ADGRL3: variants seen among roughly 807,000 people sequenced by gnomAD.
ADGRL3 encodes adhesion G protein-coupled receptor L3, also known as calcium-independent alpha-latrotoxin receptor 3.
ADGRL3 carries 62 observed loss-of-function variants against 153.5 expected under a neutral mutation model. The observed-to-expected ratio is 0.40, with a 90% CI of 0.33 to 0.50. The LOEUF (loss-of-function observed/expected upper bound fraction) is 0.50, where lower values mean the gene tolerates loss of function less well. Among genes scored for constraint, ADGRL3 ranks in the 20% least tolerant of loss-of-function variants. The pLI is 0.47. For synonymous variants in ADGRL3, 710 were observed against 672.5 expected (o/e 1.06, Z -0.86); for missense variants, 1,641 against 1,859.4 (o/e 0.88, Z 2.16).
At chr4:61,364,346 AT>A (rs11302705) in intron 1 of ADGRL3, among the ~76,000 whole-genome samples, 30,223 of 139,076 alleles carry the variant, frequency 0.22, 3,095 homozygotes, top group Non-Finnish European at 0.24. Context: ...AAAAAAAAAA[AT>A]AATAATAATA....
intron 9 of ADGRL3, among the ~76,000 whole-genome samples, chr4:61,844,839 C>G (rs1256872305): frequency 6.6e-6 from 1 of 151,860 alleles, no homozygotes; most frequent in Admixed American, 6.6e-5. Context: ...CCAGCTCCCT[C>G]ACTCCCTTCT....
At chr4:61,602,086 C>T (rs564501972) in intron 5 of ADGRL3, among the ~76,000 whole-genome samples, 12 of 103,720 alleles carry the variant, frequency 1.2e-4, no homozygotes, top group Non-Finnish European at 1.2e-4. Flanking sequence ...AATAAATAAA[C>T]GCTTGATCCA....
intron 1 of ADGRL3, among the ~76,000 whole-genome samples, chr4:61,218,991 A>G (rs1008262889): frequency 6.6e-6 from 1 of 152,236 alleles, no homozygotes; most frequent in Non-Finnish European, 1.5e-5. Flanking sequence ...CTATGTAGAC[A>G]TAATTGGAGG....
At chr4:61,216,316 G>T (rs1477937312) in intron 1 of ADGRL3, among the ~76,000 whole-genome samples, 1 of 151,796 alleles carries the variant, frequency 6.6e-6, no homozygotes, top group African/African-American at 2.4e-5. Context: ...ATAGTAATAC[G>T]TTTTGTTCCT....
intron 2 of ADGRL3, chr4:61,428,253 A>T (rs565093706): frequency 1.3e-5 from 2 of 152,610 alleles, no homozygotes; most frequent in Admixed American, 1.3e-4. Context: ...ACATTTATGC[A>T]CTTCATAGAC....
chr4:61,257,633 T>C (rs759345118), intron 1 of ADGRL3, among the ~76,000 whole-genome samples: 23 of 152,250 alleles, frequency 1.5e-4, no homozygotes, highest in Middle Eastern at 3.4e-3. Flanking sequence ...AAGATAAATA[T>C]TAAAATTCAA....
intron 5 of ADGRL3, among the ~76,000 whole-genome samples, chr4:61,641,446 C>T (rs1458861548): frequency 1.7e-5 from 2 of 119,934 alleles, no homozygotes; most frequent in African/African-American, 6.1e-5. Context: ...CTCCCCCCAC[C>T]CCACAACAGT....
chr4:61,770,034 C>T (rs74674544), intron 8 of ADGRL3, among the ~76,000 whole-genome samples: 7,799 of 152,134 alleles, frequency 0.051, 489 homozygotes, highest in African/African-American at 0.15. Context: ...CACAAGTAAA[C>T]CTAAATATAC....
chr4:61,232,837 T>A (rs537266402), intron 1 of ADGRL3, among the ~76,000 whole-genome samples: 2 of 152,250 alleles, frequency 1.3e-5, no homozygotes, highest in East Asian at 3.9e-4. Flanking sequence ...CCCTCAGCTT[T>A]ATGAGGATAT....
At chr4:61,902,350 C>T (rs947656820) in intron 11 of ADGRL3, among the ~76,000 whole-genome samples, 2 of 152,106 alleles carry the variant, frequency 1.3e-5, no homozygotes, top group Non-Finnish European at 2.9e-5. Context: ...TCCTCTCAGG[C>T]CAGGCCACTG....
intron 6 of ADGRL3, among the ~76,000 whole-genome samples, chr4:61,707,268 G>T (rs2095872447): frequency 6.6e-6 from 1 of 152,150 alleles, no homozygotes; most frequent in Admixed American, 6.6e-5. Context: ...AATATTGCAA[G>T]AATTACCAAA....
rs374398711 is a variant in ADGRL3, at chr4:61,630,203, T to A, written c.473+42763T>A. On this transcript the variant is annotated intron_variant, in intron 5 of 26. Coordinates refer to ENST00000683033, the MANE Select transcript of ADGRL3 (RefSeq NM_001387552.1). ...TTGACCATTAAATTCTCATAGGGTTTATACACATGTAATATTTCAGGCATA... is the reference window on the plus strand; with the variant it reads ...TTGACCATTAAATTCTCATAGGGTTAATACACATGTAATATTTCAGGCATA... Among the ~76,000 whole-genome samples, 5 of 152,338 alleles carry A rather than the reference T, an allele frequency of 3.3e-5. No individual in the cohort carries two copies. The East Asian group carries it at 9.6e-4, about 29-fold the overall frequency.
chr4:61,491,807 C>T (rs1023518889), intron 2 of ADGRL3, among the ~76,000 whole-genome samples: 4 of 152,044 alleles, frequency 2.6e-5, no homozygotes, highest in African/African-American at 9.7e-5. Context: ...TTTTATGCCA[C>T]GTTACTATAA....
intron 2 of ADGRL3, among the ~76,000 whole-genome samples, chr4:61,443,717 A>T (rs915554715): frequency 6.6e-6 from 1 of 152,160 alleles, no homozygotes; most frequent in Admixed American, 6.5e-5. Flanking sequence ...TCACTGAAAA[A>T]TCACTCATCA....
chr4:61,461,888 A>AT (rs1039999586), intron 2 of ADGRL3, among the ~76,000 whole-genome samples: 3 of 152,000 alleles, frequency 2.0e-5, no homozygotes, highest in South Asian at 2.1e-4. Flanking sequence ...ATGCATTCTT[A>AT]TTTTTTTTAA....
At chr4:61,365,701 C>G (rs944145941) in intron 1 of ADGRL3, among the ~76,000 whole-genome samples, 1 of 152,172 alleles carries the variant, frequency 6.6e-6, no homozygotes, top group Non-Finnish European at 1.5e-5. Context: ...TATTTTCCTG[C>G]CTAAAGCATA....
chr4:61,793,958 T>C (rs999224325), intron 8 of ADGRL3, among the ~76,000 whole-genome samples: 15 of 152,042 alleles, frequency 9.9e-5, no homozygotes, highest in Non-Finnish European at 1.6e-4. Flanking sequence ...AGATTTAAAG[T>C]ACATTAGAAA....
At chr4:61,317,109 A>G (rs972887505) in intron 1 of ADGRL3, among the ~76,000 whole-genome samples, 1 of 152,194 alleles carries the variant, frequency 6.6e-6, no homozygotes, top group Non-Finnish European at 1.5e-5. Context: ...ACTTATGGAA[A>G]TAAAAGCACT....
intron 9 of ADGRL3, among the ~76,000 whole-genome samples, chr4:61,875,008 C>T (rs2098466986): frequency 6.6e-6 from 1 of 151,110 alleles, no homozygotes; most frequent in Non-Finnish European, 1.5e-5. Flanking sequence ...CGGGGTTTCA[C>T]CTTGTTAGTC....
Sources: allele counts gnomAD v4.1 joint callset (sites outside exome capture counted in the v4.1 genomes callset), GRCh38; gene constraint gnomAD v4.1.1; transcripts MANE v1.5; gene names NCBI Gene and HGNC (gene_info 2026-07-23, HGNC 2026-07-21).